Variants in TTC7A observed in about 807,000 individuals in gnomAD.
TTC7A encodes the protein tetratricopeptide repeat protein 7A.
A neutral mutation model predicts 103.7 loss-of-function variants in TTC7A; 110 were observed. The observed-to-expected ratio is 1.06, with a 90% CI of 0.91 to 1.24. The LOEUF (loss-of-function observed/expected upper bound fraction) is 1.24, where lower values mean the gene tolerates loss of function less well. Among genes scored for constraint, TTC7A ranks in the 50% most tolerant of loss-of-function variants. The probability of loss-of-function intolerance (pLI) is 0.00; values close to 1 mark genes in which losing one functional copy is unlikely to be tolerated. For missense variants in TTC7A, 1,340 were observed against 1,116.3 expected, an observed-to-expected ratio of 1.20 and a Z score of -2.86; for synonymous variants, 521 against 467.9, an observed-to-expected ratio of 1.11 and a Z score of -1.47.
chr2:46,973,970 T>A (rs1673608160), intron 3 of TTC7A, among the ~76,000 whole-genome samples: 1 of 152,070 alleles, frequency 6.6e-6, no homozygotes, highest in South Asian at 2.1e-4. Flanking sequence ...TATCCTGGAG[T>A]CCAGTAGCCA....
chr2:46,946,667 C>G (rs1670969654), intron 1 of TTC7A, among the ~76,000 whole-genome samples: 1 of 152,188 alleles, frequency 6.6e-6, no homozygotes, highest in African/African-American at 2.4e-5. Context: ...ATCAGTCCTA[C>G]CACCTCGGCC....
Position 47,038,648 on chromosome 2 carries a change from ACCCACCCCCCC to A in TTC7A, c.1803-7666_1803-7656del, listed in dbSNP as rs1681417022. Among the ~76,000 whole-genome samples, 3 of 38,852 alleles carry A rather than the reference ACCCACCCCCCC, an allele frequency of 7.7e-5. 1 individual carries two copies. The Admixed American group carries it at 8.3e-4, about 11-fold the overall frequency. The allele number at this position is 38,852 out of a possible 152,430, so 25.5% of individuals were successfully genotyped here. On this transcript the variant is annotated intron_variant, in intron 15 of 19. Transcript: ENST00000319190. ...GCCACTTCCCACCCACCCTCCCCCC[ACCCACCCCCCC>A]GACACACAGAGGGTTCCCAGAATGG... is the stretch of plus-strand genomic sequence containing the variant.
At chr2:47,070,368 A>G (rs1029818333) in intron 19 of TTC7A, among the ~76,000 whole-genome samples, 1 of 152,226 alleles carries the variant, frequency 6.6e-6, no homozygotes, top group Non-Finnish European at 1.5e-5. Flanking sequence ...GCCAAGCTCC[A>G]CGTGGGCAGC....
intron 3 of TTC7A, among the ~76,000 whole-genome samples, chr2:46,957,490 C>T (rs1195789431): frequency 6.6e-6 from 1 of 152,184 alleles, no homozygotes; most frequent in African/African-American, 2.4e-5. Flanking sequence ...AGTTATTTGT[C>T]GGGCACCTGC....
At chr2:46,991,279 T>C (rs1205067437) in intron 5 of TTC7A, among the ~76,000 whole-genome samples, 1 of 152,000 alleles carries the variant, frequency 6.6e-6, no homozygotes, top group Non-Finnish European at 1.5e-5. Flanking sequence ...TTCTAACAAG[T>C]CCCTGGGATA....
At chr2:46,940,465 C>T (rs1462038806), upstream of TTC7A, among the ~76,000 whole-genome samples, 1 of 152,174 alleles carries the variant, frequency 6.6e-6, no homozygotes, top group Non-Finnish European at 1.5e-5. This position sits in a 1 kb window ranked among gnomAD's most constrained non-coding sequence, Gnocchi z 4.7. Context: ...TAGGCCCCGC[C>T]CCGTAGTCCT....
intron 16 of TTC7A, among the ~76,000 whole-genome samples, 168 bp from the exon 17 acceptor site, chr2:47,049,781 G>A (rs539223871): frequency 1.3e-5 from 2 of 152,230 alleles, no homozygotes; most frequent in East Asian, 1.9e-4. Flanking sequence ...AGTGATGTTG[G>A]TGACTTCAGC....
chr2:47,071,039 C>T (rs1262330093), intron 19 of TTC7A: 1 of 152,276 alleles, frequency 6.6e-6, no homozygotes, highest in Non-Finnish European at 1.5e-5. Flanking sequence ...TTGTTCCCAC[C>T]ATCTCCCAGG....
intron 2 of TTC7A, among the ~76,000 whole-genome samples, chr2:46,952,785 C>T (rs1671528258): frequency 6.6e-6 from 1 of 152,220 alleles, no homozygotes; most frequent in Non-Finnish European, 1.5e-5. Flanking sequence ...TTTCCAACCT[C>T]ACCCTCATGC....
chr2:47,031,692 G>T (rs1219889489), intron 15 of TTC7A, among the ~76,000 whole-genome samples: 1 of 152,210 alleles, frequency 6.6e-6, no homozygotes, highest in Non-Finnish European at 1.5e-5. Context: ...TACCTGCCCA[G>T]TTCCAGCTGA....
At chr2:46,922,535 AT>A (rs755860138) in intron 2 of TTC7A, among the ~76,000 whole-genome samples, 15 of 139,994 alleles carry the variant, frequency 1.1e-4, no homozygotes, top group Admixed American at 3.5e-4. Context: ...CTCAGGGAAA[AT>A]TTTTTTTTCC....
intron 3 of TTC7A, among the ~76,000 whole-genome samples, chr2:46,957,909 AGACTATGTGACACACTCTAT>A (rs1168161253): frequency 1.3e-5 from 2 of 152,198 alleles, no homozygotes; most frequent in African/African-American, 2.4e-5. Flanking sequence ...TGGCATTTGT[AGACTATGTGACACACTCTAT>A]TATAGATAGG....
rs1426020898 is a variant in TTC7A at position 46,941,224 on chromosome 2, G to C, written c.-318G>C. The C allele has an allele frequency of 1.3e-5, 2 of 150,588 alleles. No homozygotes were observed. The highest frequency in any genetic ancestry group is 2.9e-5 in the Non-Finnish European group (2 of 68,028). 9.3% of individuals were successfully genotyped at this position (150,588 alleles called of 1,614,324 possible). ...GGCGCCGGGGCCCGGGGCGGAGGCT[G>C]TGGCAGCAGCTGCAGCGGCGGCGGC... On this transcript the variant is annotated 5_prime_UTR_variant, in exon 1 of 20. Transcript: ENST00000319190. The surrounding 1 kb of genome is among the most constrained non-coding windows in gnomAD (Gnocchi z 4.2).
chr2:46,994,660 GC>G, intron 7 of TTC7A, 146 bp downstream of exon 7: 1 of 816,566 alleles, frequency 1.2e-6, no homozygotes, highest in Non-Finnish European at 2.0e-6. Context: ...CTCAGCAGGA[GC>G]CAGATGAACT....
chr2:47,054,098 C>T (rs1322361106), intron 18 of TTC7A: 2 of 985,168 alleles, frequency 2.0e-6, no homozygotes, highest in Middle Eastern at 5.2e-4. Flanking sequence ...GATATTCACT[C>T]CACAGAAGAG....
intron 15 of TTC7A, chr2:47,040,580 G>T (rs1470118425): frequency 6.6e-6 from 1 of 152,260 alleles, no homozygotes; most frequent in African/African-American, 2.4e-5. Context: ...GGTCCTAGGA[G>T]TGAAGGGCCT....
chr2:47,070,893 A>G (rs1055221475), intron 19 of TTC7A, among the ~76,000 whole-genome samples: 7 of 152,162 alleles, frequency 4.6e-5, no homozygotes, highest in Non-Finnish European at 7.4e-5. Context: ...CAGCCATGGC[A>G]TCTCCCAAGG....
intron 3 of TTC7A, among the ~76,000 whole-genome samples, chr2:46,963,603 T>G (rs1335915512): frequency 6.6e-6 from 1 of 152,204 alleles, no homozygotes; most frequent in Admixed American, 6.5e-5. Context: ...ATAACCAGAC[T>G]TATGGTTATA....
intron 10 of TTC7A, among the ~76,000 whole-genome samples, chr2:47,009,069 G>T (rs1280309036): frequency 6.6e-6 from 1 of 152,170 alleles, no homozygotes; most frequent in East Asian, 1.9e-4. Context: ...GCCATGAGAA[G>T]GAGGCCGAGG....
Sources: allele counts gnomAD v4.1 joint callset (sites outside exome capture counted in the v4.1 genomes callset), GRCh38; gene constraint gnomAD v4.1.1; non-coding constraint Gnocchi (gnomAD v3.1); transcripts MANE v1.5; gene names NCBI Gene and HGNC (gene_info 2026-07-23, HGNC 2026-07-21).